DNAH11: variants seen among roughly 807,000 people sequenced by gnomAD.
The protein encoded by DNAH11 is axonemal beta dynein heavy chain 11.
A neutral mutation model predicts 526.0 loss-of-function variants in DNAH11; 442 were observed. That is an observed-to-expected ratio of 0.84 (90% confidence interval 0.78 to 0.91). The LOEUF (loss-of-function observed/expected upper bound fraction) is 0.91, where lower values mean the gene tolerates loss of function less well. DNAH11 is among the 40% of genes least tolerant of loss of function. The pLI is 0.00. For synonymous variants in DNAH11, 2,461 were observed against 1,935.9 expected (o/e 1.27, Z -7.12); for missense variants, 6,989 against 5,448.7 (o/e 1.28, Z -8.90).
At chr7:21,606,327 G>T in intron 18 of DNAH11, 99 bp from the exon 19 acceptor site, 1 of 830,762 alleles carries the variant, frequency 1.2e-6, no homozygotes, top group African/African-American at 1.9e-5. Context: ...TGTCTCAAGA[G>T]AAAAAAAAAA....
chr7:21,680,018 C>T (rs1783073385), intron 30 of DNAH11, among the ~76,000 whole-genome samples: 1 of 152,170 alleles, frequency 6.6e-6, no homozygotes, highest in Non-Finnish European at 1.5e-5. Context: ...AGATCAGCAA[C>T]GTGCTTAGTC....
At chr7:21,857,549 G>C (rs1782899785) in intron 68 of DNAH11, among the ~76,000 whole-genome samples, 1 of 151,934 alleles carries the variant, frequency 6.6e-6, no homozygotes, top group Admixed American at 6.6e-5. Flanking sequence ...AAAAAAACAG[G>C]GTTGGAAGAC....
At chr7:21,618,735 T>C (rs934473228) in intron 23 of DNAH11, among the ~76,000 whole-genome samples, 2 of 152,064 alleles carry the variant, frequency 1.3e-5, no homozygotes, top group African/African-American at 4.8e-5. Flanking sequence ...AAAAGACAAA[T>C]GAGCCACTAC....
chr7:21,601,522 A>C lies in DNAH11; in HGVS notation c.3552A>C (p.Arg1184Ser). The C allele has an allele frequency of 6.2e-7, 1 of 1,613,718 alleles. No homozygotes were observed. Among genetic ancestry groups the C allele is most frequent in the South Asian group, 1.1e-5 (1 of 91,066 alleles). ...VHLLAVRSRQ[R>S]ATDELFEPLK... Reference sequence around the variant, plus strand: ...TTCTGGCTGTAAGAAGCCGACAGAGAGCTACTGATGAACTCTTTGAACCTC... The same window carrying C: ...TTCTGGCTGTAAGAAGCCGACAGAGCGCTACTGATGAACTCTTTGAACCTC... The change falls in exon 18 of 82, where the codon AGA becomes AGC. Residue 1184 changes from arginine (R) to serine (S), a missense_variant. Physicochemically the swap from Arg to Ser is moderately radical, Grantham distance 110. Transcript: ENST00000409508.
chr7:21,715,932 T>A (rs1318710922), intron 42 of DNAH11, among the ~76,000 whole-genome samples: 6 of 150,838 alleles, frequency 4.0e-5, no homozygotes, highest in Admixed American at 2.0e-4. Flanking sequence ...TTGGACTGAC[T>A]TTTTTCTGGA....
intron 54 of DNAH11, among the ~76,000 whole-genome samples, chr7:21,751,311 G>A (rs990492668): frequency 7.2e-5 from 11 of 152,248 alleles, no homozygotes; most frequent in Admixed American, 4.6e-4. Flanking sequence ...GTGACAGAGT[G>A]ACACTCTGTC....
Position 21,582,039 on chromosome 7 carries a change from T to G in DNAH11, c.1710+18T>G. 6.5e-7 allele frequency: 1 copy of G among 1,540,296 alleles called. No individual in the cohort carries two copies. The highest frequency in any genetic ancestry group is 9.0e-7 in the Non-Finnish European group (1 of 1,115,902). ...CATTTAAGGTTAGTTCTGAAGAAGCTATCATAAAAAACGTTTACTATGAAT... is the reference window on the plus strand; with the variant it reads ...CATTTAAGGTTAGTTCTGAAGAAGCGATCATAAAAAACGTTTACTATGAAT... On this transcript the variant is annotated intron_variant, in intron 9 of 81. Coordinates refer to ENST00000409508, the MANE Select transcript of DNAH11 (RefSeq NM_001277115.2).
At chr7:21,779,168 T>C in intron 57 of DNAH11, 64 bp downstream of exon 57, 1 of 1,514,380 alleles carries the variant, frequency 6.6e-7, no homozygotes, top group Non-Finnish European at 8.9e-7. Flanking sequence ...CCTTGGTAGG[T>C]GAACAATTTT....
Position 21,779,928 on chromosome 7 carries a change from G to A in DNAH11, c.9483+824G>A, listed in dbSNP as rs116597987. Among the ~76,000 whole-genome samples the A allele has an allele frequency of 4.2e-3, 632 of 152,170 alleles. 2 individuals are homozygous for A. The highest frequency in any genetic ancestry group is 0.014 in the African/African-American group (595 of 41,518). On this transcript the variant is annotated intron_variant, in intron 57 of 81. Transcript: ENST00000409508. The stretch of plus-strand genomic sequence containing the variant: ...CTAACATTCTCACAGCCATTGAATC[G>A]GTAGTGATTATGCCATTTTTCTTGT...
intron 30 of DNAH11, among the ~76,000 whole-genome samples, 183 bp downstream of exon 30, chr7:21,659,214 A>T (rs1425408461): frequency 1.3e-5 from 2 of 149,870 alleles, no homozygotes; most frequent in African/African-American, 4.9e-5. Context: ...AGATTTCTTT[A>T]TGGGTTTTTA....
chr7:21,663,997 C>T (rs1041142026), intron 30 of DNAH11, among the ~76,000 whole-genome samples: 1 of 151,902 alleles, frequency 6.6e-6, no homozygotes, highest in Non-Finnish European at 1.5e-5. Flanking sequence ...TTTGAGGAAA[C>T]TTTATGCTAT....
rs189130322 is a variant in DNAH11, at chr7:21,637,505, C to T, written c.4726-106C>T. 1.7e-4 allele frequency: 132 copies of T among 784,066 alleles called. 3 individuals carry two copies. The East Asian group carries it at 2.9e-3, about 18-fold the overall frequency. The allele number at this position is 784,066 out of a possible 1,614,324, so 48.6% of individuals were successfully genotyped here. A position where few individuals can be genotyped will look rare whatever the true frequency, so the allele number is the denominator to read the frequency against. On this transcript the variant is annotated intron_variant, in intron 26 of 81. Coordinates refer to ENST00000409508, the MANE Select transcript of DNAH11 (RefSeq NM_001277115.2). ...AGACATTCTTAGAAGTATCTTTGAC[C>T]TTGCCTCTTCATTCTTTGTTCTTCA...
chr7:21,687,730 T>C (rs1341604750), intron 34 of DNAH11, among the ~76,000 whole-genome samples: 1 of 152,150 alleles, frequency 6.6e-6, no homozygotes, highest in Non-Finnish European at 1.5e-5. Context: ...ACATGTATAT[T>C]ACATTACTTT....
chr7:21,725,928 T>C lies in DNAH11; in HGVS notation c.7384T>C (p.Leu2462=). 6.4e-7 allele frequency: 1 copy of C among 1,570,540 alleles called. No individual in the cohort carries two copies. Among genetic ancestry groups the C allele is most frequent in the East Asian group, 2.3e-5 (1 of 42,984 alleles). Reference sequence around the variant, plus strand: ...TGTGGACCACAAAACTAAGAAATTATTGCCCTGGGCTGACAAAATTGCCCA... The same window carrying C: ...TGTGGACCACAAAACTAAGAAATTACTGCCCTGGGCTGACAAAATTGCCCA... The part of the protein sequence containing the change: ...YYVDHKTKKL[L]PWADKIAQFT... The change falls in exon 45 of 82, where the codon TTG becomes CTG. Residue 2462 remains leucine, a synonymous_variant. Transcript: ENST00000409508.
intron 4 of DNAH11, among the ~76,000 whole-genome samples, chr7:21,560,465 G>A (rs1302079370): frequency 6.6e-6 from 1 of 152,154 alleles, no homozygotes; most frequent in Non-Finnish European, 1.5e-5. Context: ...CAAAAGTAGT[G>A]AAGCCAACAG....
intron 25 of DNAH11, among the ~76,000 whole-genome samples, chr7:21,626,657 A>G (rs768326803): frequency 1.3e-5 from 2 of 151,812 alleles, no homozygotes; most frequent in African/African-American, 2.4e-5. Flanking sequence ...CTGGGGTGAC[A>G]TCATATCTCA....
intron 47 of DNAH11, among the ~76,000 whole-genome samples, 168 bp downstream of exon 47, chr7:21,739,034 C>T (rs930343700): frequency 1.3e-5 from 2 of 152,078 alleles, no homozygotes; most frequent in African/African-American, 4.8e-5. Context: ...TTTGGGTTTG[C>T]TTTGTATCTC....
chr7:21,611,836 A>G (rs1187834644), intron 20 of DNAH11, among the ~76,000 whole-genome samples: 2 of 152,202 alleles, frequency 1.3e-5, no homozygotes, highest in Non-Finnish European at 2.9e-5. Flanking sequence ...AATGCAATAT[A>G]TTTACCACCA....
At chr7:21,617,879 C>A (rs944482660) in intron 23 of DNAH11, 102 bp downstream of exon 23, 14 of 1,237,876 alleles carry the variant, frequency 1.1e-5, no homozygotes, top group Non-Finnish European at 1.4e-5. Flanking sequence ...AAAAGACCCC[C>A]CTCAGCATAG....
Sources: gnomAD v4.1 joint callset for allele counts (sites outside exome capture counted in the v4.1 genomes callset) on GRCh38, gnomAD v4.1.1 for gene constraint, MANE v1.5 for transcripts, NCBI Gene and HGNC (gene_info 2026-07-23, HGNC 2026-07-21) for gene names.